Variants in PPCDC observed in about 807,000 individuals in gnomAD.
The protein encoded by PPCDC is phosphopantothenoylcysteine decarboxylase.
A neutral mutation model predicts 20.7 loss-of-function variants in PPCDC; 20 were observed. The ratio of observed to expected loss-of-function variants is 0.97; its 90% CI spans 0.68 to 1.41. PPCDC has a LOEUF of 1.41. Among genes scored for constraint, PPCDC ranks in the 40% most tolerant of loss-of-function variants. The pLI, the probability that PPCDC is intolerant of heterozygous loss-of-function variation, is 0.00. For missense variants in PPCDC, 246 were observed against 263.8 expected (o/e 0.93, Z 0.47); for synonymous variants, 88 against 100.3 (o/e 0.88, Z 0.73).
intron 2 of PPCDC, among the ~76,000 whole-genome samples, chr15:75,040,999 GCTT>G (rs1240537353): frequency 1.3e-5 from 2 of 152,084 alleles, no homozygotes; most frequent in Non-Finnish European, 2.9e-5. Flanking sequence ...TATTCTCTCT[GCTT>G]CTTTTTCTCC....
intron 1 of PPCDC, among the ~76,000 whole-genome samples, chr15:75,027,720 C>T (rs2065974009): frequency 6.6e-6 from 1 of 152,174 alleles, no homozygotes; most frequent in African/African-American, 2.4e-5. Flanking sequence ...CACCGTCTTT[C>T]TAAAACCAAA....
intron 1 of PPCDC, chr15:75,028,026 C>A: frequency 2.7e-6 from 1 of 366,480 alleles, no homozygotes; most frequent in Non-Finnish European, 4.9e-6. Flanking sequence ...AGCAGCCACG[C>A]ACCTGGTACA....
In PPCDC at chr15:75,049,181, C is replaced by A; in HGVS notation, c.561C>A (p.Ile187=). 1 of 1,614,184 alleles carries A rather than the reference C, an allele frequency of 6.2e-7. No individual in the cohort carries two copies. The highest frequency in any genetic ancestry group is 8.5e-7 in the Non-Finnish European group (1 of 1,180,040). ...GGGCCATGGCTGAAGTGGGGACCAT[C>A]GTGGACAAAGTGAAAGAAGTCCTCT... The part of the protein sequence containing the change: ...GLGAMAEVGT[I]VDKVKEVLFQ... Residue 187 remains isoleucine, a synonymous_variant, in exon 6 of 6, where the codon ATC becomes ATA. Transcript: ENST00000342932.
intron 1 of PPCDC, among the ~76,000 whole-genome samples, chr15:75,024,088 C>G (rs902511644): frequency 6.6e-6 from 1 of 152,224 alleles, no homozygotes; most frequent in Non-Finnish European, 1.5e-5. Flanking sequence ...CCAAAAAGTG[C>G]TGAGTGCTAT....
At position 75,048,586 on chromosome 15, in the gene PPCDC, C is replaced by G. The variant is rs146759445; in HGVS notation, c.394C>G (p.Pro132Ala). The change falls in exon 5 of 6, where the codon CCC becomes GCC. Residue 132 changes from proline to alanine, a missense_variant. This residue lies in a region of PPCDC where 225 missense variants were observed against 222.6 expected (regional missense o/e 1.01). Transcript: ENST00000342932. ...CVMRAWDRSK[P>A]LLFCPAMNTA... ...CATGCGGGCCTGGGACCGCAGCAAG[C>G]CCCTGCTCTTCTGCCCGGCCATGAA... 3.7e-6 allele frequency: 6 copies of G among 1,614,190 alleles called. No homozygotes were observed. Among genetic ancestry groups the G allele is most frequent in the Non-Finnish European group, 5.1e-6 (6 of 1,179,992 alleles).
rs151171932 is a variant in PPCDC, at chr15:75,041,500, A to G, written c.136-1941A>G. Reference sequence around the variant, plus strand: ...CAAAAAATTAGCTGGGCATGGTGACATGCACCTGTAGTCCCAGCTACTCAA... The same window carrying G: ...CAAAAAATTAGCTGGGCATGGTGACGTGCACCTGTAGTCCCAGCTACTCAA... On this transcript the variant is annotated intron_variant, in intron 2 of 5. Transcript: ENST00000342932. Among the ~76,000 whole-genome samples the G allele has an allele frequency of 3.3e-4, 51 of 152,278 alleles. No homozygotes were observed. The East Asian group carries it at 9.5e-3, about 28-fold the overall frequency.
intron 1 of PPCDC, among the ~76,000 whole-genome samples, chr15:75,026,807 G>A (rs1255571255): frequency 6.6e-6 from 1 of 152,190 alleles, no homozygotes; most frequent in African/African-American, 2.4e-5. Flanking sequence ...TTGACTCAAA[G>A]TTTCTGCTGG....
chr15:75,032,421 A>C (rs1448222572), intron 2 of PPCDC, among the ~76,000 whole-genome samples: 1 of 152,174 alleles, frequency 6.6e-6, no homozygotes, highest in Admixed American at 6.5e-5. Flanking sequence ...ACCACTTGAC[A>C]ATATTGAGAG....
At position 75,044,404 on chromosome 15, in the gene PPCDC, G is replaced by T. The variant is rs745374084; in HGVS notation, c.250G>T (p.Asp84Tyr). ...CTGCCAGATATGGAAGAGCCGCTCT[G>T]ACCCAGTTCTGCACATTGACCTGCG... The part of the protein sequence containing the change: ...DEWEIWKSRS[D>Y]PVLHIDLRRW... The change falls in exon 4 of 6, where the codon GAC becomes TAC. Residue 84 changes from aspartate (D) to tyrosine (Y), a missense_variant. Transcript: ENST00000342932. 4.3e-6 allele frequency: 7 copies of T among 1,614,080 alleles called. No individual in the cohort carries two copies. Among genetic ancestry groups the T allele is most frequent in the South Asian group, 1.1e-5 (1 of 91,052 alleles).
intron 2 of PPCDC, among the ~76,000 whole-genome samples, chr15:75,035,371 G>A (rs565273775): frequency 7.2e-5 from 11 of 152,276 alleles, no homozygotes; most frequent in Admixed American, 5.2e-4. Context: ...CTGTGGCTGC[G>A]AAGTGCCTCT....
chr15:75,038,448 T>C (rs1842871973), intron 2 of PPCDC, among the ~76,000 whole-genome samples: 1 of 152,212 alleles, frequency 6.6e-6, no homozygotes, highest in Non-Finnish European at 1.5e-5. Flanking sequence ...ACCAGGGACA[T>C]GTGAGGGACA....
In PPCDC at chr15:75,046,882, C is replaced by T. The variant is rs184028857; in HGVS notation, c.361-1671C>T. Among the ~76,000 whole-genome samples, 11 of 152,392 alleles carry T rather than the reference C, an allele frequency of 7.2e-5. No individual in the cohort carries two copies. The East Asian group carries it at 1.9e-3, about 27-fold the overall frequency. ...GGCCCATTTGTGCTAAACAGGCAGT[C>T]GGACCTAGAAAGAGCAGACAATCTC... On this transcript the variant is annotated intron_variant, in intron 4 of 5. Transcript: ENST00000342932.
intron 1 of PPCDC, chr15:75,028,043 C>T (rs904802009): frequency 9.3e-6 from 4 of 428,050 alleles, no homozygotes; most frequent in African/African-American, 6.1e-5. Flanking sequence ...TACAGCCCTT[C>T]CCCACAGCAC....
intron 1 of PPCDC, chr15:75,028,045 C>G (rs907275570): frequency 1.4e-4 from 61 of 445,696 alleles, no homozygotes; most frequent in South Asian, 3.7e-4. Flanking sequence ...CAGCCCTTCC[C>G]CACAGCACTG....
rs373920258 is a variant in PPCDC at position 75,048,676 on chromosome 15, G to A, written c.484G>A (p.Val162Ile). The A allele has an allele frequency of 8.1e-6, 13 of 1,614,130 alleles. No homozygotes were observed. The highest frequency in any genetic ancestry group is 1.0e-5 in the Non-Finnish European group (12 of 1,180,050). The change falls in exon 5 of 6, where the codon GTC (valine) becomes ATC (isoleucine). Residue 162 changes from valine to isoleucine, a missense_variant. By Grantham distance (29) the Val-to-Ile change is conservative (BLOSUM62 3). This residue lies in a region of PPCDC where 225 missense variants were observed against 222.6 expected (regional missense o/e 1.01). Coordinates refer to ENST00000342932, the MANE Select transcript of PPCDC (RefSeq NM_021823.5). Reference sequence around the variant, plus strand: ...AGACCAGCTCAAGGCCTTTGGCTATGTCGAGATCCCCTGTGTGGCCAAGAA... The same window carrying A: ...AGACCAGCTCAAGGCCTTTGGCTATATCGAGATCCCCTGTGTGGCCAAGAA... ...QVDQLKAFGY[V>I]EIPCVAKKLV...
At chr15:75,048,932 G>T (rs2066277033) in intron 5 of PPCDC, among the ~76,000 whole-genome samples, 1 of 152,236 alleles carries the variant, frequency 6.6e-6, no homozygotes, top group Non-Finnish European at 1.5e-5. Context: ...TAGAGTCCCT[G>T]GCACGCAGCC....
chr15:75,029,572 C>T (rs1046206189), intron 2 of PPCDC, among the ~76,000 whole-genome samples: 1 of 152,162 alleles, frequency 6.6e-6, no homozygotes, highest in African/African-American at 2.4e-5. Flanking sequence ...GTCACCCCAT[C>T]ACCCCACCCC....
At chr15:75,027,773 A>G (rs2065974708) in intron 1 of PPCDC, among the ~76,000 whole-genome samples, 1 of 151,976 alleles carries the variant, frequency 6.6e-6, no homozygotes, top group Non-Finnish European at 1.5e-5. Context: ...TTCTGGCCTC[A>G]CCCTGACTTT....
rs573288140 is a variant in PPCDC, at chr15:75,025,027, C to T, written c.-73+1401C>T. On this transcript the variant is annotated intron_variant, in intron 1 of 5. Coordinates refer to ENST00000342932, the MANE Select transcript of PPCDC (RefSeq NM_021823.5). ...CAGCCTTCTAGGCTCAAGCGATCCTCCTGCCTCAGCCTCCCAAGTAGTTGA... is the reference window on the plus strand; with the variant it reads ...CAGCCTTCTAGGCTCAAGCGATCCTTCTGCCTCAGCCTCCCAAGTAGTTGA... Among the ~76,000 whole-genome samples the T allele has an allele frequency of 1.3e-3, 205 of 152,238 alleles. 1 individual carries two copies. The highest frequency in any genetic ancestry group is 6.8e-3 in the Middle Eastern group (2 of 294).
Sources: allele counts gnomAD v4.1 joint callset (sites outside exome capture counted in the v4.1 genomes callset), GRCh38; gene constraint gnomAD v4.1.1; regional missense constraint gnomAD v4.1.1; transcripts MANE v1.5; gene names NCBI Gene and HGNC (gene_info 2026-07-23, HGNC 2026-07-21).